RXYLT1: variants seen among roughly 807,000 people sequenced by gnomAD.
RXYLT1 encodes the protein ribitol-5-phosphate xylosyltransferase 1.
In RXYLT1, 41 loss-of-function variants were observed where a neutral mutation model predicts 43.5. The observed-to-expected ratio is 0.94, with a 90% CI of 0.73 to 1.22. RXYLT1 has a LOEUF of 1.22. RXYLT1 is among the 50% of genes most tolerant of loss of function. RXYLT1 has a pLI of 0.00. For missense variants in RXYLT1, 514 were observed against 532.0 expected, an observed-to-expected ratio of 0.97 and a Z score of 0.33; for synonymous variants, 166 against 194.4, an observed-to-expected ratio of 0.85 and a Z score of 1.21.
intron 1 of RXYLT1, 112 bp from the exon 2 acceptor site, chr12:63,780,907 T>C: frequency 2.1e-6 from 2 of 966,048 alleles, no homozygotes; most frequent in Non-Finnish European, 2.8e-6. Flanking sequence ...GCTGTACCTC[T>C]CAGAAATTAA....
chr12:63,806,910 A>T (rs1233045201), intron 5 of RXYLT1: 1 of 152,328 alleles, frequency 6.6e-6, no homozygotes, highest in Non-Finnish European at 1.5e-5. Flanking sequence ...TGGCAAATCT[A>T]CATAGATGGT....
chr12:63,783,514 A>C (rs746390509), intron 2 of RXYLT1, among the ~76,000 whole-genome samples: 10 of 152,022 alleles, frequency 6.6e-5, no homozygotes, highest in Non-Finnish European at 1.3e-4. Context: ...GATCATTTAG[A>C]TATCCTCTAA....
At chr12:63,795,731 C>T (rs535237276) in intron 3 of RXYLT1, 1 of 152,082 alleles carries the variant, frequency 6.6e-6, no homozygotes, top group African/African-American at 2.4e-5. Flanking sequence ...CTCATTTCTC[C>T]TCTATTTGAG....
At position 63,805,222 on chromosome 12, in the gene RXYLT1, T is replaced by C; in HGVS notation, c.744-12T>C. On this transcript the variant is annotated splice_polypyrimidine_tract_variant and intron_variant, in intron 4 of 5. Coordinates refer to ENST00000261234, the MANE Select transcript of RXYLT1 (RefSeq NM_014254.3). ...ATATCATATGTTAATTCATGTGTAT[T>C]TATTTTTATAGATACAGGAATTTTC... The C allele has an allele frequency of 1.3e-6, 2 of 1,585,480 alleles. No homozygotes were observed. The highest frequency in any genetic ancestry group is 1.7e-6 in the Non-Finnish European group (2 of 1,169,564).
At chr12:63,780,198 G>A in intron 1 of RXYLT1, 69 bp downstream of exon 1, 1 of 1,395,334 alleles carries the variant, frequency 7.2e-7, no homozygotes, top group East Asian at 2.9e-5. Context: ...GGCTGGGGCC[G>A]GGTCCCCGCA....
At chr12:63,794,497 T>TA (rs1334123829) in intron 3 of RXYLT1, among the ~76,000 whole-genome samples, 1 of 152,230 alleles carries the variant, frequency 6.6e-6, no homozygotes, top group African/African-American at 2.4e-5. Flanking sequence ...GAGCACCTCC[T>TA]AATGTTTAAT....
chr12:63,780,597 T>G, intron 1 of RXYLT1: 2 of 825,452 alleles, frequency 2.4e-6, no homozygotes, highest in Non-Finnish European at 2.9e-6. Context: ...CGGCTTTCTC[T>G]TTCCCTTTAT....
intron 2 of RXYLT1, chr12:63,782,454 C>T (rs1197816718): frequency 1.8e-5 from 8 of 453,090 alleles, no homozygotes; most frequent in African/African-American, 8.0e-5. Context: ...TTTGCAGCTT[C>T]GTAATTTTAT....
chr12:63,780,209 C>G, intron 1 of RXYLT1, 80 bp downstream of exon 1: 2 of 1,393,036 alleles, frequency 1.4e-6, no homozygotes, highest in Non-Finnish European at 9.2e-7. Context: ...GGTCCCCGCA[C>G]CCGGCTCTCA....
In RXYLT1 at chr12:63,801,834, CA is replaced by C. The variant is rs1028802158; in HGVS notation, c.429-250del. Among the ~76,000 whole-genome samples, 11 of 151,418 alleles carry C rather than the reference CA, an allele frequency of 7.3e-5. 1 individual carries two copies. The East Asian group carries it at 2.1e-3, about 29-fold the overall frequency. On this transcript the variant is annotated intron_variant, in intron 3 of 5. Coordinates refer to ENST00000261234, the MANE Select transcript of RXYLT1 (RefSeq NM_014254.3). ...TTGAGACCCTGCCTCAAAAAAAAAA[CA>C]AAAAAACACAAAACTATCACATTTT...
intron 3 of RXYLT1, among the ~76,000 whole-genome samples, chr12:63,791,802 A>G (rs1383943423): frequency 6.6e-6 from 1 of 152,258 alleles, no homozygotes; most frequent in Non-Finnish European, 1.5e-5. Context: ...TTTAATCCTT[A>G]CCACAACCCT....
At chr12:63,799,718 T>C (rs1898116395) in intron 3 of RXYLT1, among the ~76,000 whole-genome samples, 1 of 152,108 alleles carries the variant, frequency 6.6e-6, no homozygotes, top group South Asian at 2.1e-4. Flanking sequence ...ATAGAACCTC[T>C]CTCAAGATTT....
chr12:63,781,746 A>G (rs1173628253), intron 2 of RXYLT1, among the ~76,000 whole-genome samples: 1 of 152,188 alleles, frequency 6.6e-6, no homozygotes, highest in Non-Finnish European at 1.5e-5. Context: ...ATTATGCTCA[A>G]TTAGAGAATG....
At chr12:63,781,206 A>G (rs2136219817) in intron 2 of RXYLT1, 32 bp downstream of exon 2, 2 of 1,400,108 alleles carry the variant, frequency 1.4e-6, no homozygotes, top group East Asian at 5.3e-5. Context: ...AGACATGTAA[A>G]AAGCATTATA....
chr12:63,787,545 C>T (rs1897832649), intron 3 of RXYLT1, among the ~76,000 whole-genome samples: 1 of 152,178 alleles, frequency 6.6e-6, no homozygotes, highest in Admixed American at 6.5e-5. Context: ...AGAAGGTTTT[C>T]ATTTACTTTG....
Position 63,790,951 on chromosome 12 carries a change from C to A in RXYLT1, c.428+5879C>A, listed in dbSNP as rs180860352. ...AACACACAGTAATCACTATAGAAGT[C>A]TTGTTGCTCTTTTATTTTAGTGTTC... is the stretch of plus-strand genomic sequence containing the variant. On this transcript the variant is annotated intron_variant, in intron 3 of 5. Transcript: ENST00000261234. 6.6e-5 allele frequency among the ~76,000 whole-genome samples: 10 copies of A among 152,306 alleles called. No homozygotes were observed. In the East Asian group the frequency reaches 7.7e-4, roughly 12 times the overall value.
In RXYLT1 at chr12:63,808,983, T is replaced by C. The variant is rs1565909041; in HGVS notation, c.1223T>C (p.Ile408Thr). Residue 408 changes from isoleucine (I) to threonine (T), a missense_variant, in exon 6 of 6, where the codon ATT becomes ACT. Coordinates refer to ENST00000261234, the MANE Select transcript of RXYLT1 (RefSeq NM_014254.3). ...AAAACTATAATTTTACAAGAAAAAATTGAAAGAAGAAAAATGTTACTTCAG... is the reference window on the plus strand; with the variant it reads ...AAAACTATAATTTTACAAGAAAAAACTGAAAGAAGAAAAATGTTACTTCAG... ...KEKTIILQEK[I>T]ERRKMLLQWY... 1 of 1,612,308 alleles carries C rather than the reference T, an allele frequency of 6.2e-7. No homozygotes were observed. Among genetic ancestry groups the C allele is most frequent in the Non-Finnish European group, 8.5e-7 (1 of 1,179,334 alleles).
chr12:63,785,070 C>A lies in RXYLT1; in HGVS notation c.426C>A (p.Tyr142Ter). 6.2e-7 allele frequency: 1 copy of A among 1,611,002 alleles called. No individual in the cohort carries two copies. The highest frequency in any genetic ancestry group is 1.3e-5 in the African/African-American group (1 of 75,006). The part of the protein sequence containing the change: ...EGKSIVGRTQ[Y>*]SFITGPAVIP... ...AGTCAATCGTAGGAAGAACACAGTA[C>A]AGGTATTGGTTGTATTAGTTGTGCA... is the stretch of plus-strand genomic sequence containing the variant. Residue 142 changes from tyrosine (Y) to a stop codon, truncating the protein, a stop_gained and splice_region_variant, in exon 3 of 6, where the codon TAC becomes TAA. Transcript: ENST00000261234. LOFTEE classifies it high-confidence loss of function.
intron 2 of RXYLT1, among the ~76,000 whole-genome samples, chr12:63,784,497 G>A (rs1897757336): frequency 6.6e-6 from 1 of 152,126 alleles, no homozygotes; most frequent in South Asian, 2.1e-4. Flanking sequence ...TTCAAGTGAG[G>A]AGGAGGTAAT....
Sources: gnomAD v4.1 joint callset for allele counts (sites outside exome capture counted in the v4.1 genomes callset) on GRCh38, gnomAD v4.1.1 for gene constraint, MANE v1.5 for transcripts, NCBI Gene and HGNC (gene_info 2026-07-23, HGNC 2026-07-21) for gene names.